The following GREB1 variants were observed in gnomAD, a reference collection of about 807,000 sequenced individuals.
The protein encoded by GREB1 is protein GREB1.
A neutral mutation model predicts 200.7 loss-of-function variants in GREB1; 106 were observed. That is an observed-to-expected ratio of 0.53 (90% CI 0.45 to 0.62). The LOEUF is 0.62. Ranked by LOEUF, GREB1 falls within the 20% of genes least tolerant of loss-of-function variation. The pLI is 0.00. For synonymous variants in GREB1, 1,132 were observed against 1,092.4 expected, an observed-to-expected ratio of 1.04 and a Z score of -0.72; for missense variants, 2,243 against 2,556.8, an observed-to-expected ratio of 0.88 and a Z score of 2.65.
chr2:11,485,713 T>C (rs1672641341), intron 1 of GREB1, among the ~76,000 whole-genome samples: 1 of 152,238 alleles, frequency 6.6e-6, no homozygotes, highest in Non-Finnish European at 1.5e-5. Flanking sequence ...AAGCAATTTA[T>C]TGAATACCTG....
intron 5 of GREB1, 70 bp from the exon 6 acceptor site, chr2:11,578,227 T>C: frequency 1.3e-6 from 2 of 1,538,784 alleles, no homozygotes; most frequent in East Asian, 2.3e-5. Flanking sequence ...CACGTTCCAC[T>C]CCAGGAACTC....
At position 11,630,246 on chromosome 2, in the gene GREB1, G is replaced by A. The variant is rs529744346; in HGVS notation, c.4611+137G>A. ...TGAACTTGGAGGAGGCTGGTGTCGC[G>A]CACGGGCTCTGGAGTCACTCCAATT... On this transcript the variant is annotated intron_variant, in intron 26 of 32. Transcript: ENST00000381486. 4.1e-5 allele frequency: 31 copies of A among 753,130 alleles called. 1 individual carries two copies. The highest frequency in any genetic ancestry group is 3.7e-4 in the South Asian group (19 of 51,890). 46.7% of individuals were successfully genotyped at this position (753,130 alleles called of 1,614,324 possible). A position where few individuals can be genotyped will look rare whatever the true frequency, so the allele number is the denominator to read the frequency against.
In GREB1 at chr2:11,600,245, AT is replaced by A. The variant is rs1012839621; in HGVS notation, c.2334-544del. Among the ~76,000 whole-genome samples the A allele has an allele frequency of 9.0e-4, 133 of 148,560 alleles. 1 individual carries two copies. The highest frequency in any genetic ancestry group is 1.5e-3 in the Admixed American group (23 of 14,938). ...CTGCCATCCAAAGGGTTAAGCACTG[AT>A]TTTTTTTTTTAATCCCCTAAACTTA... On this transcript the variant is annotated intron_variant, in intron 15 of 32. Coordinates refer to ENST00000381486, the MANE Select transcript of GREB1 (RefSeq NM_014668.4).
chr2:11,515,387 C>T (rs1673464359), intron 1 of GREB1, among the ~76,000 whole-genome samples: 1 of 152,246 alleles, frequency 6.6e-6, no homozygotes, highest in Admixed American at 6.5e-5. Flanking sequence ...ATGTCATTAA[C>T]TGCAAGCCTG....
intron 18 of GREB1, among the ~76,000 whole-genome samples, chr2:11,611,681 T>C (rs1682940825): frequency 6.6e-6 from 1 of 152,142 alleles, no homozygotes; most frequent in Non-Finnish European, 1.5e-5. Flanking sequence ...GGCAGTGCCA[T>C]GCTCCCTGCC....
chr2:11,557,525 T>G (rs1198271338), intron 2 of GREB1, among the ~76,000 whole-genome samples: 4 of 152,220 alleles, frequency 2.6e-5, no homozygotes, highest in African/African-American at 7.2e-5. Flanking sequence ...AGCCAGGTCT[T>G]GTGCTGGGGT....
chr2:11,556,356 G>A (rs1456426992), intron 1 of GREB1, 98 bp from the exon 2 acceptor site: 2 of 288,114 alleles, frequency 6.9e-6, no homozygotes, highest in Middle Eastern at 9.3e-4. Context: ...GGCAAAAGAG[G>A]CAGCTCCTAG....
chr2:11,612,363 G>T, intron 18 of GREB1, 132 bp from the exon 19 acceptor site: 2 of 1,416,818 alleles, frequency 1.4e-6, no homozygotes, highest in Non-Finnish European at 1.9e-6. Context: ...GCAGTCTAAA[G>T]AAATTTCCTT....
At chr2:11,533,002 G>GTAGA (rs1412832532), upstream of GREB1, among the ~76,000 whole-genome samples, 1 of 152,184 alleles carries the variant, frequency 6.6e-6, no homozygotes, top group African/African-American at 2.4e-5. Flanking sequence ...CACATAGCCA[G>GTAGA]TAGATACCAG....
chr2:11,592,513 T>C (rs1680832578), intron 10 of GREB1, among the ~76,000 whole-genome samples: 1 of 152,098 alleles, frequency 6.6e-6, no homozygotes, highest in Non-Finnish European at 1.5e-5. Flanking sequence ...ATCTTAAAAA[T>C]AAAGATAAAT....
intron 1 of GREB1, among the ~76,000 whole-genome samples, chr2:11,504,201 T>A (rs1219743610): frequency 6.6e-6 from 1 of 152,150 alleles, no homozygotes; most frequent in Non-Finnish European, 1.5e-5. Context: ...CTGTGGACAC[T>A]CTGGACAAAG....
At chr2:11,596,751 T>G (rs1256149216) in intron 13 of GREB1, among the ~76,000 whole-genome samples, 666 of 12,178 alleles carry the variant, frequency 0.055, no homozygotes, top group Middle Eastern at 0.12. Flanking sequence ...TGAGAGGGGG[T>G]GGGGGCGCAG....
At chr2:11,523,738 C>G (rs1352445397) in intron 1 of GREB1, among the ~76,000 whole-genome samples, 1 of 152,154 alleles carries the variant, frequency 6.6e-6, no homozygotes, top group Non-Finnish European at 1.5e-5. Flanking sequence ...AGTCTCCTTC[C>G]TGTTTTCTTT....
intron 2 of GREB1, among the ~76,000 whole-genome samples, chr2:11,562,180 G>T (rs148617941): frequency 6.6e-6 from 1 of 152,206 alleles, no homozygotes; most frequent in Non-Finnish European, 1.5e-5. Context: ...TCTGTGTGCC[G>T]TGTGACCTTG....
intron 1 of GREB1, among the ~76,000 whole-genome samples, chr2:11,483,339 T>TGA (rs1230409459): frequency 6.1e-5 from 8 of 131,774 alleles, no homozygotes; most frequent in Non-Finnish European, 1.7e-5. Context: ...CGTGTGTGTG[T>TGA]GTGAGAGAGA....
chr2:11,534,723 GA>G lies in GREB1; in HGVS notation c.-162+470del, dbSNP rs1674213275. 2.6e-5 allele frequency among the ~76,000 whole-genome samples: 4 copies of G among 152,198 alleles called. No homozygotes were observed. In the South Asian group the frequency reaches 8.3e-4, roughly 32 times the overall value. ...TTCCTGAGGATGGTAATTAGAGGGG[GA>G]TGTGTGCTTCTTCTTCACATATACC... On this transcript the variant is annotated intron_variant, in intron 1 of 32. Coordinates refer to ENST00000381486, the MANE Select transcript of GREB1 (RefSeq NM_014668.4).
chr2:11,604,477 A>G (rs1682073711), intron 17 of GREB1, among the ~76,000 whole-genome samples: 1 of 152,116 alleles, frequency 6.6e-6, no homozygotes, highest in African/African-American at 2.4e-5. Flanking sequence ...ATTCACCATC[A>G]TCATCCTCTC....
intron 17 of GREB1, 124 bp downstream of exon 17, chr2:11,602,666 C>T: frequency 1.3e-6 from 1 of 761,950 alleles, no homozygotes; most frequent in Non-Finnish European, 2.2e-6. Context: ...CTCAGTTTCT[C>T]CACTAAATGT....
At chr2:11,598,070 GT>G (rs1681429812) in intron 14 of GREB1, 92 bp downstream of exon 14, 1 of 899,164 alleles carries the variant, frequency 1.1e-6, no homozygotes, top group South Asian at 1.3e-5. Flanking sequence ...TTGCTATAGA[GT>G]GAATAGGGCA....
Sources: gnomAD v4.1 joint callset for allele counts (sites outside exome capture counted in the v4.1 genomes callset) on GRCh38, gnomAD v4.1.1 for gene constraint, MANE v1.5 for transcripts, NCBI Gene and HGNC (gene_info 2026-07-23, HGNC 2026-07-21) for gene names.